Variants in KIAA1614 observed in about 807,000 individuals in gnomAD.
KIAA1614 encodes the protein uncharacterized protein KIAA1614.
In KIAA1614, 76 loss-of-function variants were observed where a neutral mutation model predicts 88.7. The ratio of observed to expected loss-of-function variants is 0.86; its 90% CI spans 0.71 to 1.04. The LOEUF (loss-of-function observed/expected upper bound fraction) is 1.04, where lower values mean the gene tolerates loss of function less well. Among genes scored for constraint, KIAA1614 ranks in the 50% least tolerant of loss-of-function variants. The probability of loss-of-function intolerance (pLI) is 0.00; values close to 1 mark genes in which losing one functional copy is unlikely to be tolerated. For synonymous variants in KIAA1614, 714 were observed against 675.5 expected (o/e 1.06, Z -0.88); for missense variants, 1,553 against 1,582.5 (o/e 0.98, Z 0.32).
intron 2 of KIAA1614, 112 bp from the exon 3 acceptor site, chr1:180,917,739 C>G (rs1653851596): frequency 1.2e-6 from 1 of 865,338 alleles, no homozygotes; most frequent in South Asian, 1.4e-5. Context: ...TTAGATTTAT[C>G]TGGGGAGTAA....
In KIAA1614 at chr1:180,949,077, T is replaced by C. The variant is rs1256300628; in HGVS notation, c.*3489T>C. The stretch of plus-strand genomic sequence containing the variant: ...GTGGTGACTAGTTTCAAGCCAGAGA[T>C]TGAGGAGCAGACCTGATGCCCTTTC... On this transcript the variant is annotated 3_prime_UTR_variant, in exon 9 of 9. Coordinates refer to ENST00000367588, the MANE Select transcript of KIAA1614 (RefSeq NM_020950.2). 1.3e-5 allele frequency: 2 copies of C among 152,250 alleles called. No individual in the cohort carries two copies. Among genetic ancestry groups the C allele is most frequent in the Non-Finnish European group, 2.9e-5 (2 of 68,072 alleles). 9.4% of individuals were successfully genotyped at this position (152,250 alleles called of 1,614,324 possible).
intron 3 of KIAA1614, among the ~76,000 whole-genome samples, chr1:180,920,340 A>G (rs1483869781): frequency 6.6e-6 from 1 of 152,172 alleles, no homozygotes; most frequent in East Asian, 1.9e-4. Flanking sequence ...CGGGAGTGCC[A>G]CTCGAAGCCA....
chr1:180,935,272 G>A lies in KIAA1614; in HGVS notation c.1363G>A (p.Glu455Lys), dbSNP rs544927450. The part of the protein sequence containing the change: ...PSPSHVRFED[E>K]SAREAEFRHL... ...GCCGTCGCACGTGCGCTTTGAGGATGAGTCCGCCCGCGAAGCCGAGTTCCG... is the reference window on the plus strand; with the variant it reads ...GCCGTCGCACGTGCGCTTTGAGGATAAGTCCGCCCGCGAAGCCGAGTTCCG... The change falls in exon 5 of 9, where the codon GAG becomes AAG. Residue 455 changes from glutamate to lysine, a missense_variant. Transcript: ENST00000367588. This position sits in a 1 kb window ranked among gnomAD's most constrained non-coding sequence, Gnocchi z 6.1. The A allele has an allele frequency of 1.3e-6, 2 of 1,513,494 alleles. No individual in the cohort carries two copies. The highest frequency in any genetic ancestry group is 1.4e-5 in the African/African-American group (1 of 69,406). 93.8% of individuals were successfully genotyped at this position (1,513,494 alleles called of 1,614,324 possible).
In KIAA1614 at chr1:180,935,013, C is replaced by T. The variant is rs964600482; in HGVS notation, c.1206-102C>T. 4.7e-6 allele frequency: 4 copies of T among 857,926 alleles called. No homozygotes were observed. Among genetic ancestry groups the T allele is most frequent in the Non-Finnish European group, 6.3e-6 (4 of 630,008 alleles). 53.1% of individuals were successfully genotyped at this position (857,926 alleles called of 1,614,324 possible). A position where few individuals can be genotyped will look rare whatever the true frequency, so the allele number is the denominator to read the frequency against. On this transcript the variant is annotated intron_variant, in intron 4 of 8. Coordinates refer to ENST00000367588, the MANE Select transcript of KIAA1614 (RefSeq NM_020950.2). The surrounding 1 kb of genome is among the most constrained non-coding windows in gnomAD (Gnocchi z 6.1). Reference sequence around the variant, plus strand: ...TGTGGGTTGCGGTTGCCACAGAGCACGGTGGGAGACTGTAGCCCAGGGTGG... The same window carrying T: ...TGTGGGTTGCGGTTGCCACAGAGCATGGTGGGAGACTGTAGCCCAGGGTGG...
intron 2 of KIAA1614, among the ~76,000 whole-genome samples, chr1:180,917,597 CT>C (rs1363265024): frequency 6.6e-6 from 1 of 152,184 alleles, no homozygotes; most frequent in East Asian, 1.9e-4. Flanking sequence ...CCCCTCCCGC[CT>C]TCTCATTCCA....
intron 6 of KIAA1614, 126 bp downstream of exon 6, chr1:180,938,837 A>G (rs1654391441): frequency 2.4e-6 from 2 of 836,142 alleles, no homozygotes; most frequent in South Asian, 1.8e-5. Context: ...GAGGATCCCT[A>G]GACTGTGAAC....
chr1:180,936,808 C>A, intron 5 of KIAA1614, 138 bp downstream of exon 5: 1 of 607,114 alleles, frequency 1.6e-6, no homozygotes, highest in Non-Finnish European at 2.7e-6. Context: ...CGTCACATAC[C>A]ACCTCGGCAG....
chr1:180,936,606 G>C lies in KIAA1614; in HGVS notation c.2697G>C (p.Glu899Asp), dbSNP rs1196419595. 1.2e-6 allele frequency: 2 copies of C among 1,606,906 alleles called. No homozygotes were observed. Among genetic ancestry groups the C allele is most frequent in the Admixed American group, 1.7e-5 (1 of 59,164 alleles). Residue 899 changes from glutamate to aspartate, a missense_variant, in exon 5 of 9, where the codon GAG becomes GAC. Coordinates refer to ENST00000367588, the MANE Select transcript of KIAA1614 (RefSeq NM_020950.2). ...LQEPYGGAVHEGRVERGPCSR... is the reference protein window; with the variant it reads ...LQEPYGGAVHDGRVERGPCSR... ...AGCCCTACGGGGGAGCCGTCCACGA[G>C]GGTAGGGTGGAGAGGGGCCCCTGCA...
chr1:180,945,891 G>A lies in KIAA1614; in HGVS notation c.*303G>A. ...AGGCCGAGGCGCCTGGATCACCTGA[G>A]GTCAGGAGTTCGAGACCAGTCTGGC... On this transcript the variant is annotated 3_prime_UTR_variant, in exon 9 of 9. Transcript: ENST00000367588. 1.1e-6 allele frequency: 1 copy of A among 912,774 alleles called. No homozygotes were observed. The highest frequency in any genetic ancestry group is 1.4e-6 in the Non-Finnish European group (1 of 727,996). The allele number at this position is 912,774 out of a possible 1,614,324, so 56.5% of individuals were successfully genotyped here.
At chr1:180,945,224 G>A (rs1476751794) in intron 8 of KIAA1614, 79 bp from the exon 9 acceptor site, 13 of 1,444,388 alleles carry the variant, frequency 9.0e-6, no homozygotes, top group South Asian at 8.3e-5. Flanking sequence ...GTGAGGCATC[G>A]GTCATCTGTA....
chr1:180,944,251 T>C (rs1389706619), intron 7 of KIAA1614, 138 bp from the exon 8 acceptor site: 10 of 812,130 alleles, frequency 1.2e-5, no homozygotes, highest in Non-Finnish European at 1.9e-5. Context: ...GTGGTTCCTG[T>C]TGAATTCTTG....
At position 180,928,428 on chromosome 1, in the gene KIAA1614, A is replaced by G; in HGVS notation, c.1062-2A>G. The G allele has an allele frequency of 6.2e-7, 1 of 1,610,388 alleles. No homozygotes were observed. The highest frequency in any genetic ancestry group is 8.5e-7 in the Non-Finnish European group (1 of 1,178,076). ...CACCCTGGCCTGTGTGCCACGCTGCAGGACCGTTGGTCCCAACCCGGAGCC... is the reference window on the plus strand; with the variant it reads ...CACCCTGGCCTGTGTGCCACGCTGCGGGACCGTTGGTCCCAACCCGGAGCC... On this transcript the variant is annotated splice_acceptor_variant, in intron 3 of 8. Transcript: ENST00000367588. LOFTEE classifies it high-confidence loss of function.
At chr1:180,923,614 A>G (rs1393144664) in intron 3 of KIAA1614, among the ~76,000 whole-genome samples, 1 of 152,166 alleles carries the variant, frequency 6.6e-6, no homozygotes, top group Non-Finnish European at 1.5e-5. Context: ...CTCCTGGGGC[A>G]AGAACTGTGC....
intron 6 of KIAA1614, among the ~76,000 whole-genome samples, chr1:180,939,491 C>T (rs191798794): frequency 8.5e-5 from 13 of 152,164 alleles, no homozygotes; most frequent in African/African-American, 2.6e-4. Context: ...GGGCTGCTTC[C>T]TCTTCCTTCT....
In KIAA1614 at chr1:180,927,897, C is replaced by T. The variant is rs369126871; in HGVS notation, c.1062-533C>T. Among the ~76,000 whole-genome samples the T allele has an allele frequency of 3.3e-4, 51 of 152,270 alleles. No individual in the cohort carries two copies. The East Asian group carries it at 7.2e-3, about 21-fold the overall frequency. The stretch of plus-strand genomic sequence containing the variant: ...CACCAGGATTTATAAAAATGCCATT[C>T]CCCCAAAGGGCCCAATCTATGCTGG... On this transcript the variant is annotated intron_variant, in intron 3 of 8. Transcript: ENST00000367588.
Position 180,935,799 on chromosome 1 carries a change from C to A in KIAA1614, c.1890C>A (p.Thr630=). 2.5e-6 allele frequency: 4 copies of A among 1,613,850 alleles called. No individual in the cohort carries two copies. The highest frequency in any genetic ancestry group is 3.4e-6 in the Non-Finnish European group (4 of 1,179,958). ...GGACCGACAGTGAGGAGGCGGGGAC[C>A]TCTCAGGCTGGCTGGGCGTGTGGGC... ...NCRTDSEEAG[T]SQAGWACGRT... is the part of the protein sequence containing the mutation. The change falls in exon 5 of 9, where the codon ACC becomes ACA. Residue 630 remains threonine (T), a synonymous_variant. Coordinates refer to ENST00000367588, the MANE Select transcript of KIAA1614 (RefSeq NM_020950.2). The surrounding 1 kb of genome is among the most constrained non-coding windows in gnomAD (Gnocchi z 6.1).
At chr1:180,944,903 G>GA (rs749342687) in intron 8 of KIAA1614, 26 of 263,184 alleles carry the variant, frequency 9.9e-5, no homozygotes, top group Non-Finnish European at 1.6e-4. Flanking sequence ...GACCTGCTTG[G>GA]AAAATCCCAC....
rs931874528 is a variant in KIAA1614 at position 180,920,697 on chromosome 1, C to T, written c.1061+2783C>T. Among the ~76,000 whole-genome samples, 7 of 146,772 alleles carry T rather than the reference C, an allele frequency of 4.8e-5. No homozygotes were observed. In the Admixed American group the frequency reaches 4.9e-4, roughly 10 times the overall value. ...ATGGTGACAGCAGAGCTCAACACAG[C>T]AGGCAGGCTGGGGGCGGGCTGGGGG... On this transcript the variant is annotated intron_variant, in intron 3 of 8. Coordinates refer to ENST00000367588, the MANE Select transcript of KIAA1614 (RefSeq NM_020950.2).
rs547711597 is a variant in KIAA1614 at position 180,944,310 on chromosome 1, G to A, written c.3160-79G>A. ...TGTCACTTTCTTACAGGGCCCTCAGGTTCATGGTGGGGCCAAGTCCTCTGT... is the reference window on the plus strand; with the variant it reads ...TGTCACTTTCTTACAGGGCCCTCAGATTCATGGTGGGGCCAAGTCCTCTGT... On this transcript the variant is annotated intron_variant, in intron 7 of 8. Coordinates refer to ENST00000367588, the MANE Select transcript of KIAA1614 (RefSeq NM_020950.2). 29 of 1,485,310 alleles carry A rather than the reference G, an allele frequency of 2.0e-5. No homozygotes were observed. The African/African-American group carries it at 3.3e-4, about 17-fold the overall frequency. The allele number at this position is 1,485,310 out of a possible 1,614,324, so 92.0% of individuals were successfully genotyped here.
Sources: gnomAD v4.1 joint callset for allele counts (sites outside exome capture counted in the v4.1 genomes callset) on GRCh38, gnomAD v4.1.1 for gene constraint, Gnocchi (gnomAD v3.1) non-coding constraint, MANE v1.5 for transcripts, NCBI Gene and HGNC (gene_info 2026-07-23, HGNC 2026-07-21) for gene names.